Variants in ITGAE observed in about 807,000 individuals in gnomAD.
ITGAE encodes the protein integrin alpha-E.
ITGAE carries 99 observed loss-of-function variants against 136.5 expected under a neutral mutation model. The ratio of observed to expected loss-of-function variants is 0.73; its 90% CI spans 0.62 to 0.86. ITGAE has a LOEUF of 0.86. Among genes scored for constraint, ITGAE ranks in the 40% least tolerant of loss-of-function variants. ITGAE has a pLI of 0.00. For synonymous variants in ITGAE, 613 were observed against 591.8 expected, an observed-to-expected ratio of 1.04 and a Z score of -0.52; for missense variants, 1,447 against 1,515.3, an observed-to-expected ratio of 0.95 and a Z score of 0.75.
chr17:3,726,359 TGAGAG>T (rs1413465938), intron 26 of ITGAE: 2 of 1,506,252 alleles, frequency 1.3e-6, no homozygotes, highest in Non-Finnish European at 1.8e-6. Flanking sequence ...TGCCCCGAAA[TGAGAG>T]GAGACTGGTC....
intron 29 of ITGAE, chr17:3,717,236 G>T (rs996449291): frequency 1.2e-5 from 2 of 161,386 alleles, no homozygotes; most frequent in African/African-American, 4.8e-5. Context: ...ACTCCGTTCT[G>T]ACGGCTCTTT....
In ITGAE at chr17:3,770,382, A is replaced by C. The variant is rs191371340; in HGVS notation, c.156-6422T>G. ...TGACCTCAAGTGATCTGCCGGCCTC[A>C]GCCTCCCAAAGTGCTGGGATTACGG... On this transcript the variant is annotated intron_variant, in intron 2 of 30. Transcript: ENST00000263087. 7.5e-3 allele frequency among the ~76,000 whole-genome samples: 1,141 copies of C among 152,018 alleles called. 17 individuals are homozygous for C. Among genetic ancestry groups the C allele is most frequent in the Middle Eastern group, 0.01 (3 of 294 alleles).
At chr17:3,783,656 A>G (rs935863540) in intron 1 of ITGAE, among the ~76,000 whole-genome samples, 2 of 152,172 alleles carry the variant, frequency 1.3e-5, no homozygotes, top group African/African-American at 4.8e-5. Context: ...AATGAAATTG[A>G]TGCAAATATT....
At chr17:3,724,584 C>A (rs746330551) in intron 26 of ITGAE, 1 of 1,614,106 alleles carries the variant, frequency 6.2e-7, no homozygotes, top group Non-Finnish European at 8.5e-7. Context: ...CCGAGCATCT[C>A]TCCCCTGCTC....
chr17:3,755,781 G>A (rs1297533390), intron 11 of ITGAE, 49 bp downstream of exon 11: 1 of 1,517,086 alleles, frequency 6.6e-7, no homozygotes. Flanking sequence ...AGGTGTCCTG[G>A]GCCCCTCACC....
chr17:3,744,662 C>T (rs112894932), intron 18 of ITGAE, among the ~76,000 whole-genome samples: 2,317 of 151,820 alleles, frequency 0.015, 38 homozygotes, highest in South Asian at 0.046. Context: ...TTGGTCAGGC[C>T]GGTCTCGAAC....
chr17:3,762,637 G>A (rs1205140448), intron 3 of ITGAE, among the ~76,000 whole-genome samples: 2 of 125,846 alleles, frequency 1.6e-5, no homozygotes, highest in East Asian at 2.3e-4. Context: ...TTGCTCTGTC[G>A]CCCAGGCTGG....
chr17:3,744,558 C>T lies in ITGAE; in HGVS notation c.2320-941G>A, dbSNP rs138851570. Among the ~76,000 whole-genome samples the T allele has an allele frequency of 4.7e-4, 72 of 151,836 alleles. No homozygotes were observed. The East Asian group carries it at 0.013, about 28-fold the overall frequency. On this transcript the variant is annotated intron_variant, in intron 18 of 30. Coordinates refer to ENST00000263087, the MANE Select transcript of ITGAE (RefSeq NM_002208.5). The stretch of plus-strand genomic sequence containing the variant: ...GCCTCTTAGGTTCAAGGTTCTCCTG[C>T]CTCAGTCTCCCAAGTAGCTGGGACT...
intron 3 of ITGAE, 117 bp downstream of exon 3, chr17:3,763,752 G>A (rs1321026952): frequency 1.2e-6 from 1 of 805,858 alleles, no homozygotes; most frequent in Non-Finnish European, 2.2e-6. Context: ...CTGGAGTCTA[G>A]GGGTGAACGG....
At chr17:3,774,584 C>A (rs753474520) in intron 2 of ITGAE, among the ~76,000 whole-genome samples, 1 of 151,920 alleles carries the variant, frequency 6.6e-6, no homozygotes, top group African/African-American at 2.4e-5. Flanking sequence ...GCCAACGTGG[C>A]GAAACCCTGT....
At chr17:3,795,783 A>G (rs969273460) in intron 1 of ITGAE, among the ~76,000 whole-genome samples, 3 of 151,312 alleles carry the variant, frequency 2.0e-5, no homozygotes, top group Non-Finnish European at 4.4e-5. Context: ...GCGTGTGTGC[A>G]TGTGTGTGCA....
At chr17:3,752,377 T>G (rs551721707) in intron 14 of ITGAE, among the ~76,000 whole-genome samples, 46 of 152,290 alleles carry the variant, frequency 3.0e-4, no homozygotes, top group South Asian at 1.0e-3. Context: ...ACCCGTAAGA[T>G]GAGAGTGGCA....
rs1201695419 is a variant in ITGAE at position 3,762,589 on chromosome 17, ATTTTTTTTT to A, written c.248-616_248-608del. On this transcript the variant is annotated intron_variant, in intron 3 of 30. Transcript: ENST00000263087. ...TCAACTCAGTGCCTCTCAGACAAGGATTTTTTTTTTTTTTTTTTTTTTTTTTGAGACAGA... is the reference window on the plus strand; with the variant it reads ...TCAACTCAGTGCCTCTCAGACAAGGATTTTTTTTTTTTTTTTTGAGACAGA... 1.3e-4 allele frequency among the ~76,000 whole-genome samples: 14 copies of A among 111,806 alleles called. No homozygotes were observed. In the East Asian group the frequency reaches 3.5e-3, roughly 28 times the overall value. 73.3% of individuals were successfully genotyped at this position (111,806 alleles called of 152,430 possible).
chr17:3,728,214 CT>C, intron 24 of ITGAE, 46 bp from the exon 25 acceptor site: 5 of 1,456,114 alleles, frequency 3.4e-6, no homozygotes, highest in Non-Finnish European at 4.8e-6. Flanking sequence ...GTCTTTCTCC[CT>C]TTTTTGGAGA....
chr17:3,716,335 C>T (rs2050943791), intron 30 of ITGAE, among the ~76,000 whole-genome samples: 1 of 152,120 alleles, frequency 6.6e-6, no homozygotes. Context: ...TAAGGCCTTA[C>T]CGTTAAGGCC....
intron 22 of ITGAE, 33 bp from the exon 23 acceptor site, chr17:3,731,216 T>C (rs894760509): frequency 6.5e-7 from 1 of 1,541,774 alleles, no homozygotes. Flanking sequence ...GTCAGTTGAT[T>C]CTCTCTATGC....
Position 3,763,306 on chromosome 17 carries a change from G to GTTCATTCATTCATTCATTCA in ITGAE, c.247+543_247+562dup, listed in dbSNP as rs55992020. On this transcript the variant is annotated intron_variant, in intron 3 of 30. Transcript: ENST00000263087. Reference sequence around the variant, plus strand: ...GGATAGAGTTTAATGAGTGAATCAGGTTCATTCATTCATTCATTCATTCAT... The same window carrying GTTCATTCATTCATTCATTCA: ...GGATAGAGTTTAATGAGTGAATCAGGTTCATTCATTCATTCATTCATTCATTCATTCATTCATTCATTCAT... Among the ~76,000 whole-genome samples, 5 of 150,644 alleles carry GTTCATTCATTCATTCATTCA rather than the reference G, an allele frequency of 3.3e-5. No individual in the cohort carries two copies. In the South Asian group the frequency reaches 6.3e-4, roughly 19 times the overall value.
chr17:3,721,011 C>T (rs2143006500), intron 28 of ITGAE, among the ~76,000 whole-genome samples: 1 of 152,280 alleles, frequency 6.6e-6, no homozygotes, highest in East Asian at 1.9e-4. Context: ...TCACTATAGC[C>T]TCAACCTTCC....
chr17:3,728,161 T>G lies in ITGAE; in HGVS notation c.2920A>C (p.Ile974Leu). The change falls in exon 25 of 31, where the codon ATA becomes CTA. Residue 974 changes from isoleucine (I) to leucine (L), a missense_variant. This residue lies in a region of ITGAE where 1,031 missense variants were observed against 1,011.4 expected (regional missense o/e 1.02). Coordinates refer to ENST00000263087, the MANE Select transcript of ITGAE (RefSeq NM_002208.5). Reference protein sequence around the residue: ...GFVAVLSKPSIMYVNTGQGLS... With the variant: ...GFVAVLSKPSLMYVNTGQGLS... ...CCCTGGCCTGTGTTCACGTACATTA[T>G]GGATGGTCTGCAATTGACAGGACAT... The G allele has an allele frequency of 6.2e-7, 1 of 1,612,876 alleles. No individual in the cohort carries two copies. The highest frequency in any genetic ancestry group is 1.3e-5 in the African/African-American group (1 of 74,984).
Sources: allele counts gnomAD v4.1 joint callset (sites outside exome capture counted in the v4.1 genomes callset), GRCh38; gene constraint gnomAD v4.1.1; regional missense constraint gnomAD v4.1.1; transcripts MANE v1.5; gene names NCBI Gene and HGNC (gene_info 2026-07-23, HGNC 2026-07-21).